PHACTR1: variants seen among roughly 807,000 people sequenced by gnomAD.
The protein encoded by PHACTR1 is RPEL repeat containing 1.
A neutral mutation model predicts 69.2 loss-of-function variants in PHACTR1; 16 were observed. The observed-to-expected ratio is 0.23, with a 90% CI of 0.16 to 0.35. The LOEUF (loss-of-function observed/expected upper bound fraction) is 0.35, where lower values mean the gene tolerates loss of function less well. Among genes scored for constraint, PHACTR1 ranks in the 10% least tolerant of loss-of-function variants. The probability of loss-of-function intolerance (pLI) is 1.00; values close to 1 mark genes in which losing one functional copy is unlikely to be tolerated. For synonymous variants in PHACTR1, 312 were observed against 284.5 expected, an observed-to-expected ratio of 1.10 and a Z score of -0.97; for missense variants, 510 against 734.7, an observed-to-expected ratio of 0.69 and a Z score of 3.54.
chr6:13,281,512 G>C, intron 12 of PHACTR1: 1 of 301,794 alleles, frequency 3.3e-6, no homozygotes, highest in South Asian at 2.5e-5. Context: ...CGAGATCATT[G>C]CACCATTGAA....
At chr6:13,109,509 T>C (rs1453850620) in intron 5 of PHACTR1, among the ~76,000 whole-genome samples, 1 of 152,068 alleles carries the variant, frequency 6.6e-6, no homozygotes, top group Admixed American at 6.6e-5. Context: ...ATGATTCTTA[T>C]CTTTTTTCAC....
chr6:12,917,849 G>A (rs1207779152), intron 4 of PHACTR1, among the ~76,000 whole-genome samples: 1 of 152,108 alleles, frequency 6.6e-6, no homozygotes, highest in African/African-American at 2.4e-5. Context: ...CTCTCACTGA[G>A]TTGTACTCAG....
At chr6:12,719,792 C>A (rs371088720) in intron 3 of PHACTR1, among the ~76,000 whole-genome samples, 15 of 152,246 alleles carry the variant, frequency 9.9e-5, no homozygotes, top group African/African-American at 3.4e-4. Flanking sequence ...CCCAAGTGGT[C>A]CTCTGAATTG....
chr6:12,755,846 A>G (rs946112895), intron 4 of PHACTR1, among the ~76,000 whole-genome samples: 3 of 152,202 alleles, frequency 2.0e-5, no homozygotes, highest in African/African-American at 7.2e-5. Flanking sequence ...TTAGATTACC[A>G]GGGAAGGTAA....
intron 5 of PHACTR1, among the ~76,000 whole-genome samples, chr6:13,095,409 C>T (rs1464926467): frequency 6.6e-6 from 1 of 152,158 alleles, no homozygotes; most frequent in African/African-American, 2.4e-5. Flanking sequence ...CACTTTTGTT[C>T]ACTTTTAGGT....
At chr6:13,140,316 G>A (rs999866263) in intron 5 of PHACTR1, among the ~76,000 whole-genome samples, 13 of 152,082 alleles carry the variant, frequency 8.5e-5, no homozygotes, top group Admixed American at 5.2e-4. Flanking sequence ...ACAGTATCTC[G>A]GAGAGAGAGA....
intron 5 of PHACTR1, among the ~76,000 whole-genome samples, chr6:13,152,200 G>C (rs1245280564): frequency 6.6e-6 from 1 of 152,104 alleles, no homozygotes; most frequent in Non-Finnish European, 1.5e-5. Context: ...CAGGCGTGGT[G>C]GTGGGTGCCT....
intron 4 of PHACTR1, among the ~76,000 whole-genome samples, chr6:12,993,535 G>A (rs896020830): frequency 6.6e-6 from 1 of 152,222 alleles, no homozygotes; most frequent in African/African-American, 2.4e-5. Context: ...GATGTGACAG[G>A]CTTGCATTTG....
intron 4 of PHACTR1, among the ~76,000 whole-genome samples, chr6:12,921,813 A>AG (rs1787741142): frequency 5.2e-4 from 2 of 3,844 alleles, no homozygotes; most frequent in African/African-American, 1.5e-3. Flanking sequence ...GGAGGGAGGG[A>AG]GCAAGGGGGA....
At chr6:13,014,250 G>A (rs1294242793) in intron 4 of PHACTR1, among the ~76,000 whole-genome samples, 1 of 152,132 alleles carries the variant, frequency 6.6e-6, no homozygotes, top group Non-Finnish European at 1.5e-5. Flanking sequence ...GGAAAACTGC[G>A]GGGACATCCG....
intron 4 of PHACTR1, among the ~76,000 whole-genome samples, chr6:12,886,096 A>C (rs1420530624): frequency 6.6e-6 from 1 of 152,174 alleles, no homozygotes; most frequent in Non-Finnish European, 1.5e-5. Context: ...CTCCATCTCT[A>C]GAAAACAAAC....
intron 7 of PHACTR1, chr6:13,184,988 T>C (rs759840462): frequency 7.3e-7 from 1 of 1,366,224 alleles, no homozygotes; most frequent in East Asian, 4.5e-5. Context: ...ACTACCAGGA[T>C]TGCCAACCAC....
Position 12,949,360 on chromosome 6 carries a change from C to T in PHACTR1, c.251-104005C>T, listed in dbSNP as rs535360149. Among the ~76,000 whole-genome samples the T allele has an allele frequency of 2.6e-5, 4 of 151,832 alleles. No homozygotes were observed. The South Asian group carries it at 8.3e-4, about 32-fold the overall frequency. ...AATTTTCACCACAGTGGAGATACAA[C>T]CTATGTCAATGAAACACCTAGGAAA... On this transcript the variant is annotated intron_variant, in intron 4 of 14. Transcript: ENST00000332995.
chr6:13,063,455 G>C (rs1338770490), intron 5 of PHACTR1, among the ~76,000 whole-genome samples: 3 of 152,190 alleles, frequency 2.0e-5, no homozygotes, highest in Non-Finnish European at 4.4e-5. Context: ...AGGGAAGAGA[G>C]GAGAGGTTAA....
At chr6:12,891,301 T>C (rs1784149810) in intron 4 of PHACTR1, among the ~76,000 whole-genome samples, 1 of 152,096 alleles carries the variant, frequency 6.6e-6, no homozygotes, top group South Asian at 2.1e-4. Context: ...CTAAAGTGGG[T>C]AACATGATGT....
intron 10 of PHACTR1, among the ~76,000 whole-genome samples, chr6:13,250,005 C>T (rs1774155019): frequency 6.6e-6 from 1 of 152,102 alleles, no homozygotes; most frequent in South Asian, 2.1e-4. Context: ...TGAACCCACC[C>T]CACTCTCTGT....
intron 4 of PHACTR1, among the ~76,000 whole-genome samples, chr6:12,829,996 G>GAA (rs1554146327): frequency 7.1e-6 from 1 of 139,942 alleles, no homozygotes; most frequent in Non-Finnish European, 1.5e-5. Context: ...GAGAGAGAGA[G>GAA]AACGAAAAGA....
intron 9 of PHACTR1, among the ~76,000 whole-genome samples, 184 bp downstream of exon 9, chr6:13,228,247 A>T (rs1562030186): frequency 1.3e-5 from 2 of 152,100 alleles, no homozygotes; most frequent in African/African-American, 4.8e-5. Flanking sequence ...GTAAGAGGAG[A>T]GGGTAAATGT....
chr6:13,255,868 G>A (rs866975373), intron 10 of PHACTR1, among the ~76,000 whole-genome samples: 2 of 152,228 alleles, frequency 1.3e-5, no homozygotes, highest in Non-Finnish European at 2.9e-5. Flanking sequence ...GGTACAGGGT[G>A]CAAGCTGCCA....
Sources: gnomAD v4.1 joint callset for allele counts (sites outside exome capture counted in the v4.1 genomes callset) on GRCh38, gnomAD v4.1.1 for gene constraint, MANE v1.5 for transcripts, NCBI Gene and HGNC (gene_info 2026-07-23, HGNC 2026-07-21) for gene names.